CNTNAP2: variants seen among roughly 807,000 people sequenced by gnomAD.
The protein encoded by CNTNAP2 is contactin associated protein 2.
In CNTNAP2, 98 loss-of-function variants were observed where a neutral mutation model predicts 155.2. The observed-to-expected ratio is 0.63, with a 90% CI of 0.54 to 0.75. The LOEUF (loss-of-function observed/expected upper bound fraction) is 0.75. CNTNAP2 is among the 30% of genes least tolerant of loss of function. CNTNAP2 has a pLI of 0.00. For synonymous variants in CNTNAP2, 651 were observed against 631.2 expected, an observed-to-expected ratio of 1.03 and a Z score of -0.47; for missense variants, 1,727 against 1,688.1, an observed-to-expected ratio of 1.02 and a Z score of -0.40.
chr7:146,637,388 T>G (rs1198582134), intron 1 of CNTNAP2, among the ~76,000 whole-genome samples: 1 of 152,248 alleles, frequency 6.6e-6, no homozygotes, highest in African/African-American at 2.4e-5. Context: ...ATAACATGCA[T>G]AGCCAAGTTC....
At chr7:146,977,770 G>T (rs1277967535) in intron 3 of CNTNAP2, among the ~76,000 whole-genome samples, 1 of 152,174 alleles carries the variant, frequency 6.6e-6, no homozygotes, top group East Asian at 1.9e-4. Flanking sequence ...GCAATTGTCA[G>T]TGAACTTCCA....
intron 8 of CNTNAP2, among the ~76,000 whole-genome samples, chr7:147,198,232 C>CTGTTTTTTTT (rs1802844862): frequency 8.8e-6 from 1 of 113,092 alleles, no homozygotes; most frequent in Non-Finnish European, 1.7e-5. Flanking sequence ...TTCCAATATC[C>CTGTTTTTTTT]TTTTTTTTTT....
intron 9 of CNTNAP2, among the ~76,000 whole-genome samples, chr7:147,371,617 G>A (rs918383793): frequency 2.0e-5 from 3 of 152,064 alleles, no homozygotes; most frequent in African/African-American, 7.2e-5. Flanking sequence ...AGAGGCTGTA[G>A]ATTACCAAGT....
At chr7:147,490,351 C>T (rs115529379) in intron 11 of CNTNAP2, among the ~76,000 whole-genome samples, 106 of 152,140 alleles carry the variant, frequency 7.0e-4, no homozygotes, top group African/African-American at 1.6e-3. Context: ...TAAATGTAAA[C>T]GGTAACAATT....
chr7:147,373,530 A>G (rs1466557150), intron 9 of CNTNAP2, among the ~76,000 whole-genome samples: 1 of 152,096 alleles, frequency 6.6e-6, no homozygotes, highest in Non-Finnish European at 1.5e-5. Context: ...AAACCCAATG[A>G]AAGAGTATAT....
At chr7:146,642,202 C>G (rs1799721174) in intron 1 of CNTNAP2, among the ~76,000 whole-genome samples, 1 of 151,086 alleles carries the variant, frequency 6.6e-6, no homozygotes, top group Non-Finnish European at 1.5e-5. Context: ...TACATGTGCA[C>G]AATGTGCAGG....
At chr7:147,800,525 C>T (rs552140833) in intron 13 of CNTNAP2, among the ~76,000 whole-genome samples, 10 of 152,094 alleles carry the variant, frequency 6.6e-5, no homozygotes, top group African/African-American at 2.4e-4. Context: ...GAAGGACACG[C>T]CTCATTTGGG....
At chr7:146,648,974 T>C (rs1322988590) in intron 1 of CNTNAP2, among the ~76,000 whole-genome samples, 1 of 152,058 alleles carries the variant, frequency 6.6e-6, no homozygotes, top group East Asian at 1.9e-4. Context: ...TCTTGCTTTG[T>C]AGTAGACAGA....
At chr7:146,782,735 AGCAGAGCT>A in intron 2 of CNTNAP2, among the ~76,000 whole-genome samples, 1 of 152,210 alleles carries the variant, frequency 6.6e-6, no homozygotes, top group Non-Finnish European at 1.5e-5. Context: ...TATACTGTTT[AGCAGAGCT>A]ACCGTGAAGG....
At chr7:146,966,549 A>G (rs1029382342) in intron 3 of CNTNAP2, among the ~76,000 whole-genome samples, 5 of 152,154 alleles carry the variant, frequency 3.3e-5, no homozygotes, top group Admixed American at 1.3e-4. Flanking sequence ...CACCAGATGA[A>G]TATTTATATC....
intron 23 of CNTNAP2, chr7:148,414,976 T>C: frequency 3.6e-6 from 1 of 280,206 alleles, no homozygotes; most frequent in Non-Finnish European, 6.9e-6. Context: ...CATAGCTCTC[T>C]CGCGCGCCCA....
At chr7:146,676,859 G>T (rs1246796871) in intron 1 of CNTNAP2, among the ~76,000 whole-genome samples, 1 of 152,026 alleles carries the variant, frequency 6.6e-6, no homozygotes, top group African/African-American at 2.4e-5. Flanking sequence ...TCTCCTACTG[G>T]GTCCCTCCCA....
intron 13 of CNTNAP2, among the ~76,000 whole-genome samples, chr7:147,802,220 C>T (rs1380843858): frequency 1.3e-4 from 19 of 149,628 alleles, no homozygotes; most frequent in African/African-American, 1.7e-4. Context: ...AGACGATGGG[C>T]GGCCGGGAAG....
intron 16 of CNTNAP2, among the ~76,000 whole-genome samples, chr7:148,128,869 C>T (rs1804768124): frequency 6.6e-6 from 1 of 152,140 alleles, no homozygotes; most frequent in Admixed American, 6.5e-5. Flanking sequence ...GAAAGACCAC[C>T]CAGGCCTCCT....
At chr7:147,446,485 A>G (rs889281093) in intron 10 of CNTNAP2, among the ~76,000 whole-genome samples, 6 of 145,248 alleles carry the variant, frequency 4.1e-5, no homozygotes, top group African/African-American at 7.3e-5. Flanking sequence ...CACATCATCA[A>G]TAATGGAGTT....
At chr7:148,060,885 A>G (rs1803115946) in intron 15 of CNTNAP2, among the ~76,000 whole-genome samples, 1 of 152,228 alleles carries the variant, frequency 6.6e-6, no homozygotes, top group East Asian at 1.9e-4. Flanking sequence ...AGGGGAAGTC[A>G]GAGAAAAAGT....
intron 2 of CNTNAP2, among the ~76,000 whole-genome samples, chr7:146,836,009 C>T (rs1409557563): frequency 1.3e-5 from 2 of 152,000 alleles, no homozygotes; most frequent in East Asian, 3.9e-4. Flanking sequence ...CTCTTTTTAA[C>T]CCAGGAAATT....
chr7:146,910,496 C>T lies in CNTNAP2; in HGVS notation c.402+70592C>T, dbSNP rs1014137137. ...AACAGAACAGAGCCCTCAGAAATAA[C>T]GCCACATACCTACAACTATCTGATC... On this transcript the variant is annotated intron_variant, in intron 3 of 23. Coordinates refer to ENST00000361727, the MANE Select transcript of CNTNAP2 (RefSeq NM_014141.6). 1.4e-3 allele frequency among the ~76,000 whole-genome samples: 207 copies of T among 150,626 alleles called. 2 individuals are homozygous for T. The South Asian group carries it at 0.024, about 17-fold the overall frequency.
At chr7:148,338,107 GCC>G (rs1262098216) in intron 21 of CNTNAP2, among the ~76,000 whole-genome samples, 4 of 151,996 alleles carry the variant, frequency 2.6e-5, no homozygotes, top group African/African-American at 9.7e-5. Context: ...TGTACTTCCA[GCC>G]CCTGAGAGCC....
Sources: allele counts gnomAD v4.1 joint callset (sites outside exome capture counted in the v4.1 genomes callset), GRCh38; gene constraint gnomAD v4.1.1; transcripts MANE v1.5; gene names NCBI Gene and HGNC (gene_info 2026-07-23, HGNC 2026-07-21).